The following MGAT4C variants were observed in gnomAD, a reference collection of about 807,000 sequenced individuals.
MGAT4C encodes the protein MGAT4 family member C.
A neutral mutation model predicts 40.1 loss-of-function variants in MGAT4C; 19 were observed. That is an observed-to-expected ratio of 0.47 (90% CI 0.33 to 0.70). MGAT4C has a LOEUF of 0.70. Among genes scored for constraint, MGAT4C ranks in the 30% least tolerant of loss-of-function variants. The pLI is 0.02. For missense variants in MGAT4C, 491 were observed against 563.2 expected (o/e 0.87, Z 1.30); for synonymous variants, 181 against 187.1 (o/e 0.97, Z 0.27).
At chr12:86,446,840 A>G (rs1957350111) in intron 2 of MGAT4C, among the ~76,000 whole-genome samples, 1 of 151,074 alleles carries the variant, frequency 6.6e-6, no homozygotes, top group Non-Finnish European at 1.5e-5. Context: ...AGATGGTAAT[A>G]CTAACCCTAC....
intron 4 of MGAT4C, among the ~76,000 whole-genome samples, chr12:86,313,420 C>T (rs963972462): frequency 1.3e-5 from 2 of 152,008 alleles, no homozygotes; most frequent in South Asian, 2.1e-4. Context: ...CATATTTAGC[C>T]GTAAGTAACT....
intron 2 of MGAT4C, among the ~76,000 whole-genome samples, chr12:86,469,991 C>G (rs780394876): frequency 3.3e-5 from 5 of 152,014 alleles, no homozygotes; most frequent in Non-Finnish European, 7.4e-5. Flanking sequence ...CATGTTGTTG[C>G]AAAAGGTAGG....
chr12:86,587,476 A>G (rs1383232595), intron 2 of MGAT4C, among the ~76,000 whole-genome samples: 4 of 152,088 alleles, frequency 2.6e-5, no homozygotes, highest in Middle Eastern at 3.4e-3. Flanking sequence ...GTTTTTTCCA[A>G]TTCTGTGAAG....
chr12:86,294,904 G>T (rs1016956785), intron 4 of MGAT4C, among the ~76,000 whole-genome samples: 1 of 151,994 alleles, frequency 6.6e-6, no homozygotes, highest in African/African-American at 2.4e-5. Flanking sequence ...TATCAAGGGC[G>T]CCCCGTAAAG....
At chr12:86,508,432 C>A (rs892246838) in intron 2 of MGAT4C, among the ~76,000 whole-genome samples, 2 of 152,076 alleles carry the variant, frequency 1.3e-5, no homozygotes, top group Non-Finnish European at 2.9e-5. Context: ...TGTATATGTG[C>A]CACATTTTCT....
At chr12:86,263,636 A>G (rs1427633594) in intron 4 of MGAT4C, among the ~76,000 whole-genome samples, 1 of 152,204 alleles carries the variant, frequency 6.6e-6, no homozygotes, top group African/African-American at 2.4e-5. Context: ...CGATGAGCCT[A>G]TCAGTGCAGA....
chr12:86,755,869 A>G (rs1337088714), intron 1 of MGAT4C, among the ~76,000 whole-genome samples: 1 of 151,852 alleles, frequency 6.6e-6, no homozygotes, highest in East Asian at 1.9e-4. Flanking sequence ...TCTAGTCACA[A>G]ACTCCTGGAC....
At chr12:86,098,676 CT>C (rs1565979045) in intron 1 of MGAT4C, among the ~76,000 whole-genome samples, 1 of 151,504 alleles carries the variant, frequency 6.6e-6, no homozygotes, top group Non-Finnish European at 1.5e-5. Flanking sequence ...TAACATAGAT[CT>C]TTTAAAAATA....
Position 86,452,255 on chromosome 12 carries a change from G to A in MGAT4C, c.-228-16990C>T, listed in dbSNP as rs193190791. Among the ~76,000 whole-genome samples, 113 of 150,728 alleles carry A rather than the reference G, an allele frequency of 7.5e-4. 1 individual carries two copies. The highest frequency in any genetic ancestry group is 2.7e-3 in the African/African-American group (110 of 40,972). On this transcript the variant is annotated intron_variant, in intron 2 of 7. Transcript: ENST00000548651. Reference sequence around the variant, plus strand: ...GAGTTCTAGGGTACATGTGCACAACGTGCAGGTTTGTTCCATCTGTATACA... The same window carrying A: ...GAGTTCTAGGGTACATGTGCACAACATGCAGGTTTGTTCCATCTGTATACA...
intron 3 of MGAT4C, among the ~76,000 whole-genome samples, chr12:86,341,450 G>T (rs1452256455): frequency 6.6e-6 from 1 of 152,200 alleles, no homozygotes; most frequent in Non-Finnish European, 1.5e-5. Context: ...TAGCAAAGTA[G>T]AAGGTTAGAC....
At chr12:86,027,477 GC>G (rs548232522) in intron 2 of MGAT4C, among the ~76,000 whole-genome samples, 104 of 151,310 alleles carry the variant, frequency 6.9e-4, no homozygotes, top group Middle Eastern at 6.8e-3. Flanking sequence ...TATATTTCTG[GC>G]CCAGAGAACA....
chr12:86,312,448 TCAGA>T (rs1163457130), intron 4 of MGAT4C, among the ~76,000 whole-genome samples: 2 of 152,244 alleles, frequency 1.3e-5, no homozygotes, highest in Non-Finnish European at 2.9e-5. Context: ...TGTGATGTAC[TCAGA>T]CAGATCACAT....
chr12:86,150,001 C>T (rs1480463546), intron 1 of MGAT4C, among the ~76,000 whole-genome samples: 3 of 152,102 alleles, frequency 2.0e-5, no homozygotes, highest in Admixed American at 6.5e-5. Context: ...TTTTTGGCAC[C>T]AGGGACCGGT....
intron 3 of MGAT4C, among the ~76,000 whole-genome samples, chr12:86,368,360 T>A (rs1341831368): frequency 1.3e-5 from 2 of 152,130 alleles, no homozygotes; most frequent in African/African-American, 4.8e-5. Context: ...TTTCAGTAAT[T>A]TTTTTCTATT....
chr12:86,148,273 G>A (rs839186), intron 1 of MGAT4C, among the ~76,000 whole-genome samples: 134,809 of 152,206 alleles, frequency 0.89, 59,931 homozygotes, highest in East Asian at 1. Flanking sequence ...CAATCTGTAC[G>A]ACAAGCCTCC....
chr12:86,797,944 C>T (rs773356860), intron 1 of MGAT4C, among the ~76,000 whole-genome samples: 3 of 151,846 alleles, frequency 2.0e-5, no homozygotes, highest in Non-Finnish European at 2.9e-5. Context: ...GAGTTGATTT[C>T]CTAATCTTTA....
chr12:86,160,423 C>G (rs541255982), intron 1 of MGAT4C, among the ~76,000 whole-genome samples: 1 of 151,904 alleles, frequency 6.6e-6, no homozygotes, highest in African/African-American at 2.4e-5. Flanking sequence ...TTCATTGCAC[C>G]GTGGTCTAAG....
intron 3 of MGAT4C, among the ~76,000 whole-genome samples, chr12:86,406,766 A>C (rs925808661): frequency 6.6e-6 from 1 of 152,120 alleles, no homozygotes; most frequent in Non-Finnish European, 1.5e-5. Context: ...TATACTCTGT[A>C]AAGGATGAGA....
intron 2 of MGAT4C, among the ~76,000 whole-genome samples, chr12:86,021,008 G>C (rs543368963): frequency 0.01 from 1,567 of 152,224 alleles, 11 homozygotes; most frequent in Middle Eastern, 0.014. Flanking sequence ...CACTGGCCAT[G>C]AGAGAAATGC....
Sources: gnomAD v4.1 joint callset for allele counts (sites outside exome capture counted in the v4.1 genomes callset) on GRCh38, gnomAD v4.1.1 for gene constraint, MANE v1.5 for transcripts, NCBI Gene and HGNC (gene_info 2026-07-23, HGNC 2026-07-21) for gene names.